Variants in ADAD1 observed in about 807,000 individuals in gnomAD.
ADAD1 encodes the protein adenosine deaminase domain containing 1.
In ADAD1, 46 loss-of-function variants were observed where a neutral mutation model predicts 66.8. The ratio of observed to expected loss-of-function variants is 0.69; its 90% confidence interval spans 0.54 to 0.88. The LOEUF (loss-of-function observed/expected upper bound fraction) is 0.88. Among genes scored for constraint, ADAD1 ranks in the 40% least tolerant of loss-of-function variants. The pLI is 0.00. For missense variants in ADAD1, 617 were observed against 681.8 expected, an observed-to-expected ratio of 0.91 and a Z score of 1.06; for synonymous variants, 248 against 229.4, an observed-to-expected ratio of 1.08 and a Z score of -0.73.
intron 7 of ADAD1, 37 bp from the exon 8 acceptor site, chr4:122,407,871 T>C (rs748283365): frequency 1.4e-5 from 22 of 1,603,136 alleles, no homozygotes; most frequent in Non-Finnish European, 1.8e-5. Flanking sequence ...AAGAGAGAGG[T>C]TAAATTAACC....
chr4:122,415,629 A>T lies in ADAD1; in HGVS notation c.1487+13A>T, dbSNP rs746101946. 13 of 1,600,188 alleles carry T rather than the reference A, an allele frequency of 8.1e-6. No individual in the cohort carries two copies. Among genetic ancestry groups the T allele is most frequent in the Non-Finnish European group, 1.1e-5 (13 of 1,168,184 alleles). On this transcript the variant is annotated intron_variant, in intron 11 of 12. Coordinates refer to ENST00000296513, the MANE Select transcript of ADAD1 (RefSeq NM_139243.4). ...AGATCACTGAAAGGTTAAAATTACT[A>T]ATTTCTTTAAACCATATATTACTTA...
rs762331849 is a variant in ADAD1 at position 122,393,633 on chromosome 4, G to A, written c.574G>A (p.Ala192Thr). The change falls in exon 6 of 13, where the codon GCA becomes ACA. Residue 192 changes from alanine to threonine, a missense_variant. Physicochemically the swap from Ala to Thr is moderately conservative, Grantham distance 58. Transcript: ENST00000296513. ...PAEPVVLSEL[A>T]YVSKVHYEGR... ...AGAACCTGTTGTTTTATCTGAACTA[G>A]CATATGTTTCAAAAGTACATTATGG... The A allele has an allele frequency of 2.5e-6, 4 of 1,601,556 alleles. No homozygotes were observed. The highest frequency in any genetic ancestry group is 3.4e-6 in the Non-Finnish European group (4 of 1,175,186).
chr4:122,404,704 A>G (rs891248665), intron 7 of ADAD1, among the ~76,000 whole-genome samples: 9 of 152,032 alleles, frequency 5.9e-5, no homozygotes, highest in African/African-American at 2.2e-4. Context: ...CCTGTGTCCT[A>G]TCTGCCATTT....
chr4:122,417,868 T>A (rs1430241258), intron 11 of ADAD1, among the ~76,000 whole-genome samples: 2 of 152,134 alleles, frequency 1.3e-5, no homozygotes, highest in Non-Finnish European at 2.9e-5. Flanking sequence ...GAGCTGATTT[T>A]ACTGGAAAAA....
At chr4:122,417,867 T>C (rs1045220634) in intron 11 of ADAD1, among the ~76,000 whole-genome samples, 6 of 152,158 alleles carry the variant, frequency 3.9e-5, no homozygotes, top group African/African-American at 1.4e-4. Flanking sequence ...GGAGCTGATT[T>C]TACTGGAAAA....
intron 7 of ADAD1, among the ~76,000 whole-genome samples, chr4:122,404,361 C>G (rs1796113264): frequency 6.6e-6 from 1 of 152,150 alleles, no homozygotes; most frequent in Non-Finnish European, 1.5e-5. Flanking sequence ...GGATCTCCTA[C>G]AGGGCTCTTC....
intron 10 of ADAD1, among the ~76,000 whole-genome samples, chr4:122,414,405 A>G (rs944801346): frequency 2.0e-5 from 3 of 151,436 alleles, no homozygotes; most frequent in African/African-American, 7.3e-5. Context: ...TTTTTTTTCC[A>G]ACTTTTATTC....
chr4:122,379,979 T>C, intron 2 of ADAD1, 83 bp from the exon 3 acceptor site: 3 of 1,343,606 alleles, frequency 2.2e-6, no homozygotes, highest in Non-Finnish European at 3.0e-6. Context: ...ATGGAAATAA[T>C]GGGGGGGTGG....
Position 122,414,037 on chromosome 4 carries a change from T to C in ADAD1, c.1249+1228T>C, listed in dbSNP as rs73846648. 5.4e-3 allele frequency among the ~76,000 whole-genome samples: 817 copies of C among 150,474 alleles called. 10 individuals carry two copies. The highest frequency in any genetic ancestry group is 0.019 in the African/African-American group (767 of 41,302). On this transcript the variant is annotated intron_variant, in intron 10 of 12. Transcript: ENST00000296513. ...AGATATTTATTTTCTAGGAACAAGA[T>C]TGAGCCTCAAGATGTATTAAAATCA...
chr4:122,426,259 G>T (rs549035600), intron 12 of ADAD1, among the ~76,000 whole-genome samples: 2 of 152,106 alleles, frequency 1.3e-5, no homozygotes, highest in Non-Finnish European at 2.9e-5. Context: ...AAATGGACAT[G>T]TTCCTAGAAA....
At chr4:122,380,964 A>T in intron 3 of ADAD1, 28 bp from the exon 4 acceptor site, 1 of 1,555,946 alleles carries the variant, frequency 6.4e-7, no homozygotes, top group Non-Finnish European at 8.6e-7. Context: ...TTTTAAACCA[A>T]ATTGACAAGT....
intron 12 of ADAD1, among the ~76,000 whole-genome samples, chr4:122,425,811 T>A (rs1156667418): frequency 6.6e-6 from 1 of 151,790 alleles, no homozygotes; most frequent in African/African-American, 2.4e-5. Flanking sequence ...TTCTAGGGGG[T>A]CCTCGAACCA....
At chr4:122,396,999 A>G (rs1256391567) in intron 7 of ADAD1, among the ~76,000 whole-genome samples, 1 of 152,186 alleles carries the variant, frequency 6.6e-6, no homozygotes, top group African/African-American at 2.4e-5. Flanking sequence ...ATAGGAAAGA[A>G]ATGATAGGGT....
intron 12 of ADAD1, among the ~76,000 whole-genome samples, chr4:122,422,971 A>AG (rs1797070014): frequency 6.6e-6 from 1 of 150,636 alleles, no homozygotes; most frequent in Admixed American, 6.6e-5. Context: ...AAAAAAAAAA[A>AG]AAAAAAAAGA....
At chr4:122,414,275 T>TGGG (rs35990460) in intron 10 of ADAD1, among the ~76,000 whole-genome samples, 3 of 93,212 alleles carry the variant, frequency 3.2e-5, no homozygotes, top group Non-Finnish European at 4.4e-5. Context: ...TCTTTTTTTT[T>TGGG]GGGGGGGGGG....
chr4:122,394,660 G>T (rs1474049269), intron 6 of ADAD1, among the ~76,000 whole-genome samples: 1 of 152,202 alleles, frequency 6.6e-6, no homozygotes. Context: ...AGAGGGCAAT[G>T]AGGGATCAGT....
chr4:122,418,404 GGTTCA>G (rs1796850562), intron 11 of ADAD1, among the ~76,000 whole-genome samples: 1 of 149,954 alleles, frequency 6.7e-6, no homozygotes, highest in African/African-American at 2.4e-5. Context: ...CCACCTTCCA[GGTTCA>G]CCTTCCTGGT....
intron 8 of ADAD1, among the ~76,000 whole-genome samples, chr4:122,408,330 A>G (rs1404525516): frequency 6.6e-6 from 1 of 152,200 alleles, no homozygotes; most frequent in Non-Finnish European, 1.5e-5. Context: ...GCTGGAATAC[A>G]GTGGCACAAA....
chr4:122,383,983 A>T lies in ADAD1; in HGVS notation c.529+17A>T. ...AAACATCAGGTAAATACTCTTGATT[A>T]TAAAGTATTTATAAGAGGTATCATT... On this transcript the variant is annotated intron_variant, in intron 5 of 12. Transcript: ENST00000296513. The T allele has an allele frequency of 1.3e-6, 2 of 1,585,900 alleles. No homozygotes were observed. The highest frequency in any genetic ancestry group is 1.7e-6 in the Non-Finnish European group (2 of 1,164,950).
Sources: gnomAD v4.1 joint callset for allele counts (sites outside exome capture counted in the v4.1 genomes callset) on GRCh38, gnomAD v4.1.1 for gene constraint, MANE v1.5 for transcripts, NCBI Gene and HGNC (gene_info 2026-07-23, HGNC 2026-07-21) for gene names.